SYTL2: variants seen among roughly 807,000 people sequenced by gnomAD.
SYTL2 encodes synaptotagmin-like protein 2.
In SYTL2, 165 loss-of-function variants were observed where a neutral mutation model predicts 198.7. The ratio of observed to expected loss-of-function variants is 0.83; its 90% confidence interval spans 0.73 to 0.94. The LOEUF is 0.94. SYTL2 is among the 40% of genes least tolerant of loss of function. The pLI, the probability that SYTL2 is intolerant of heterozygous loss-of-function variation, is 0.00. For missense variants in SYTL2, 2,835 were observed against 2,582.8 expected (o/e 1.10, Z -2.12); for synonymous variants, 966 against 917.7 (o/e 1.05, Z -0.95).
chr11:85,777,260 C>G (rs1483852008), intron 1 of SYTL2, among the ~76,000 whole-genome samples: 2 of 152,176 alleles, frequency 1.3e-5, no homozygotes, highest in Non-Finnish European at 2.9e-5. Flanking sequence ...CAGTAAGTAT[C>G]AGGAAGAGGG....
chr11:85,772,069 AT>A (rs1243098111), intron 1 of SYTL2, among the ~76,000 whole-genome samples: 1 of 151,998 alleles, frequency 6.6e-6, no homozygotes, highest in South Asian at 2.1e-4. Context: ...CGCCTGGCTA[AT>A]TTTTTTATTT....
chr11:85,755,414 C>A (rs1379892017), intron 2 of SYTL2, among the ~76,000 whole-genome samples: 3 of 152,162 alleles, frequency 2.0e-5, no homozygotes, highest in African/African-American at 7.2e-5. Flanking sequence ...TCACACCAGG[C>A]TTTTCACCAA....
chr11:85,755,577 A>G (rs1047202920), intron 2 of SYTL2, among the ~76,000 whole-genome samples: 1 of 152,218 alleles, frequency 6.6e-6, no homozygotes, highest in African/African-American at 2.4e-5. Flanking sequence ...CTGAAGTTGT[A>G]GATTGGCTGA....
chr11:85,701,388 C>A (rs540117283), intron 16 of SYTL2, among the ~76,000 whole-genome samples: 1 of 152,188 alleles, frequency 6.6e-6, no homozygotes, highest in South Asian at 2.1e-4. Context: ...TTTCCACTTA[C>A]GGCATCATAT....
Position 85,732,148 on chromosome 11 carries a change from G to A in SYTL2, c.1390+1791C>T, listed in dbSNP as rs1471070836. 3.3e-5 allele frequency among the ~76,000 whole-genome samples: 5 copies of A among 152,198 alleles called. No homozygotes were observed. In the East Asian group the frequency reaches 9.6e-4, roughly 29 times the overall value. ...GAACGCTTTTACACTGTTGGTGGGA[G>A]TGTAAATGAGTTCAACTGTTGTGAA... On this transcript the variant is annotated intron_variant, in intron 7 of 19. Transcript: ENST00000359152.
chr11:85,738,408 G>A (rs10501596), intron 4 of SYTL2, among the ~76,000 whole-genome samples: 8,018 of 152,184 alleles, frequency 0.053, 686 homozygotes, highest in African/African-American at 0.18. Context: ...AATACAGCCT[G>A]ATTACATAGA....
At chr11:85,748,144 G>T in intron 3 of SYTL2, 128 bp downstream of exon 3, 1 of 1,078,126 alleles carries the variant, frequency 9.3e-7, no homozygotes, top group Non-Finnish European at 1.4e-6. Flanking sequence ...TAAACTAGAG[G>T]GCCACACATT....
At chr11:85,846,437 T>G in the SYTL2 span, among the ~76,000 whole-genome samples, 1 of 148,424 alleles carries the variant, frequency 6.7e-6, no homozygotes, top group South Asian at 2.1e-4. Context: ...CATTTCGTTT[T>G]GTTTTTTTGA....
rs1412909048 is a variant in SYTL2 at position 85,694,375 on chromosome 11, T to C, written c.*820A>G. 1 of 152,232 alleles carries C rather than the reference T, an allele frequency of 6.6e-6. No homozygotes were observed. The highest frequency in any genetic ancestry group is 1.5e-5 in the Non-Finnish European group (1 of 68,040). 9.4% of individuals were successfully genotyped at this position (152,232 alleles called of 1,614,324 possible). On this transcript the variant is annotated 3_prime_UTR_variant, in exon 20 of 20. Transcript: ENST00000359152. ...AGAAGAACAGTATAACTGAGCAACT[T>C]ACATTCTAATTAAAACTTTGTTGCA...
chr11:85,719,084 A>G (rs1158814115), intron 9 of SYTL2: 1 of 1,499,502 alleles, frequency 6.7e-7, no homozygotes, highest in Non-Finnish European at 8.9e-7. Flanking sequence ...ACAGACTCCC[A>G]AGGGTTAGAG....
rs1042115988 is a variant in SYTL2, at chr11:85,734,189, A to G, written c.1140T>C (p.Ser380=). The G allele has an allele frequency of 4.3e-6, 7 of 1,613,986 alleles. No individual in the cohort carries two copies. The African/African-American group carries it at 6.7e-5, about 15-fold the overall frequency. The stretch of plus-strand genomic sequence containing the variant: ...TTCTGTATTGAGAAGGCTTAGGGTC[A>G]CTCTGAAACTCTTCTGTGTCCCCTG... The part of the protein sequence containing the change: ...EDAGDTEEFQ[S]DPKPSQYRKP... The change falls in exon 7 of 20, where the codon AGT becomes AGC. Residue 380 remains serine, a synonymous_variant. Transcript: ENST00000359152.
chr11:85,757,606 G>A lies in SYTL2; in HGVS notation c.101+19C>T, dbSNP rs774699176. The A allele has an allele frequency of 3.7e-6, 6 of 1,612,226 alleles. No homozygotes were observed. Among genetic ancestry groups the A allele is most frequent in the Non-Finnish European group, 5.1e-6 (6 of 1,178,960 alleles). On this transcript the variant is annotated intron_variant, in intron 2 of 19. Coordinates refer to ENST00000359152, the MANE Select transcript of SYTL2 (RefSeq NM_206927.4). Reference sequence around the variant, plus strand: ...TGCCTCTTCCTTCCCTCATGCCCAAGGCTTCTCTGGCCTCTTACCTGACTC... The same window carrying A: ...TGCCTCTTCCTTCCCTCATGCCCAAAGCTTCTCTGGCCTCTTACCTGACTC...
At chr11:85,837,425 C>T in the SYTL2 span, among the ~76,000 whole-genome samples, 6 of 152,268 alleles carry the variant, frequency 3.9e-5, 1 homozygote, top group Admixed American at 1.3e-4. Context: ...GGAAGAAAGC[C>T]CTCCCCAAGT....
chr11:85,815,309 T>C (rs2093060080), upstream of SYTL2, among the ~76,000 whole-genome samples: 1 of 152,240 alleles, frequency 6.6e-6, no homozygotes, highest in African/African-American at 2.4e-5. Context: ...AAATGCTATA[T>C]AATTATATCT....
the SYTL2 span, among the ~76,000 whole-genome samples, chr11:85,850,685 C>G: frequency 1.0e-3 from 154 of 150,938 alleles, 1 homozygote; most frequent in African/African-American, 3.6e-3. Context: ...GGTATATACC[C>G]AAATGACTAT....
At chr11:85,822,799 G>A in the SYTL2 span, among the ~76,000 whole-genome samples, 4 of 152,238 alleles carry the variant, frequency 2.6e-5, no homozygotes, top group African/African-American at 9.6e-5. Context: ...AGAGAGGACG[G>A]ACAAGCTGAC....
At chr11:85,810,740 G>GAGT (rs1262106327) in intron 1 of SYTL2, among the ~76,000 whole-genome samples, 1 of 152,232 alleles carries the variant, frequency 6.6e-6, no homozygotes, top group Non-Finnish European at 1.5e-5. Flanking sequence ...CTGGGCAGCG[G>GAGT]AGGTGGCTCT....
intron 12 of SYTL2, among the ~76,000 whole-genome samples, chr11:85,711,812 G>A (rs2086342332): frequency 6.6e-6 from 1 of 151,812 alleles, no homozygotes; most frequent in Non-Finnish European, 1.5e-5. Flanking sequence ...ATATTCCTGT[G>A]TTATTATGCT....
Position 85,726,376 on chromosome 11 carries a change from A to G in SYTL2, c.2982T>C (p.Asn994=). 1.9e-6 allele frequency: 3 copies of G among 1,613,784 alleles called. No homozygotes were observed. Among genetic ancestry groups the G allele is most frequent in the East Asian group, 2.2e-5 (1 of 44,876 alleles). The stretch of plus-strand genomic sequence containing the variant: ...TCTTGTCATTATCCTTACTGTTTGA[A>G]TTAGCTTCTAAGTCCCAAAACTTTC... ...NLRKFWDLEA[N]SNSKDNDKNI... The change falls in exon 8 of 20, where the codon AAT becomes AAC. Residue 994 remains asparagine, a synonymous_variant. Transcript: ENST00000359152.
Sources: allele counts gnomAD v4.1 joint callset (sites outside exome capture counted in the v4.1 genomes callset), GRCh38; gene constraint gnomAD v4.1.1; transcripts MANE v1.5; gene names NCBI Gene and HGNC (gene_info 2026-07-23, HGNC 2026-07-21).